PCDHA1: variants seen among roughly 807,000 people sequenced by gnomAD.
PCDHA1 encodes protocadherin alpha 1, also known as protocadherin alpha-1.
Under a neutral mutation model 61.3 loss-of-function variants are expected in PCDHA1, and 42 were observed. The observed-to-expected ratio is 0.69, with a 90% CI of 0.54 to 0.89. The LOEUF is 0.89. PCDHA1 is among the 40% of genes least tolerant of loss of function. PCDHA1 has a pLI of 0.00. For synonymous variants in PCDHA1, 610 were observed against 553.8 expected, an observed-to-expected ratio of 1.10 and a Z score of -1.43; for missense variants, 1,256 against 1,235.3, an observed-to-expected ratio of 1.02 and a Z score of -0.25.
At chr5:140,899,545 G>A (rs2067400002) in intron 1 of PCDHA1, among the ~76,000 whole-genome samples, 1 of 152,158 alleles carries the variant, frequency 6.6e-6, no homozygotes, top group African/African-American at 2.4e-5. Context: ...TGATCATGGT[G>A]GATAAGCTTT....
At chr5:140,808,715 G>T in intron 1 of PCDHA1, 1 of 1,612,234 alleles carries the variant, frequency 6.2e-7, no homozygotes, top group Non-Finnish European at 8.5e-7. Context: ...CTACGTTTCG[G>T]TGCATGCGGA....
chr5:140,849,736 ACCGCGAGAGTGTGT>A, intron 1 of PCDHA1: 1 of 1,598,292 alleles, frequency 6.3e-7, no homozygotes, highest in Non-Finnish European at 8.6e-7. Context: ...AGAGCTCTGG[ACCGCGAGAGTGTGT>A]CCGCCTACGA....
intron 1 of PCDHA1, chr5:140,966,895 G>T: frequency 6.3e-7 from 1 of 1,596,682 alleles, no homozygotes. Flanking sequence ...CGGCCTCCCA[G>T]CTGCGATACT....
chr5:140,871,635 A>G, intron 1 of PCDHA1: 1 of 1,364,150 alleles, frequency 7.3e-7, no homozygotes, highest in Non-Finnish European at 9.8e-7. Context: ...ATGTCTGTTC[A>G]TAAAATACCA....
At chr5:140,875,828 T>G (rs1259125673) in intron 1 of PCDHA1, 10 of 1,614,196 alleles carry the variant, frequency 6.2e-6, no homozygotes, top group Middle Eastern at 1.6e-4. Context: ...GTTTTCCATG[T>G]GGACGTGGAG....
intron 1 of PCDHA1, among the ~76,000 whole-genome samples, chr5:140,900,283 C>A (rs1325528461): frequency 6.6e-6 from 1 of 151,666 alleles, no homozygotes; most frequent in Non-Finnish European, 1.5e-5. Flanking sequence ...ACCACACTTT[C>A]TTTTCTGTTT....
intron 1 of PCDHA1, among the ~76,000 whole-genome samples, chr5:140,904,951 T>C (rs1468765932): frequency 6.6e-6 from 1 of 152,188 alleles, no homozygotes; most frequent in Non-Finnish European, 1.5e-5. Context: ...GTCCTTTGTC[T>C]GATGCAGAAT....
chr5:140,832,550 C>T (rs2150202230), intron 1 of PCDHA1, among the ~76,000 whole-genome samples: 4 of 152,164 alleles, frequency 2.6e-5, no homozygotes, highest in South Asian at 2.1e-4. Flanking sequence ...CTAATGATAT[C>T]TAACAGCCTC....
In PCDHA1 at chr5:140,851,279, A is replaced by G. The variant is rs1554145338; in HGVS notation, c.2394+62595A>G. On this transcript the variant is annotated intron_variant, in intron 1 of 3. Transcript: ENST00000504120. ...ATTTTAGTCTACTTGTATTGTTTAT[A>G]AGAAACCCAAGCAAAAATATATAGC... 2.9e-6 allele frequency: 3 copies of G among 1,045,342 alleles called. 1 individual carries two copies. In the African/African-American group the frequency reaches 5.0e-5, roughly 17 times the overall value. The allele number at this position is 1,045,342 out of a possible 1,614,324, so 64.8% of individuals were successfully genotyped here.
chr5:140,833,217 A>G (rs1276816516), intron 1 of PCDHA1, among the ~76,000 whole-genome samples: 2 of 152,208 alleles, frequency 1.3e-5, no homozygotes, highest in Non-Finnish European at 1.5e-5. Context: ...AGGAATGGAC[A>G]GGTTACACAA....
Position 140,786,765 on chromosome 5 carries a change from G to A in PCDHA1, c.475G>A (p.Asp159Asn), listed in dbSNP as rs782356183. ...NSRFPIEGAA[D>N]ADIGANALLT... ...GCGTTTTCCGATAGAAGGAGCTGCT[G>A]ATGCAGACATTGGTGCTAACGCTCT... Residue 159 changes from aspartate (D) to asparagine (N), a missense_variant, in exon 1 of 4, where the codon GAT (aspartate) becomes AAT (asparagine). Coordinates refer to ENST00000504120, the MANE Select transcript of PCDHA1 (RefSeq NM_018900.4). The A allele has an allele frequency of 6.2e-7, 1 of 1,614,126 alleles. No homozygotes were observed. Among genetic ancestry groups the A allele is most frequent in the Non-Finnish European group, 8.5e-7 (1 of 1,180,054 alleles).
chr5:140,988,024 A>G (rs2153870091), intron 3 of PCDHA1, among the ~76,000 whole-genome samples: 1 of 152,316 alleles, frequency 6.6e-6, no homozygotes, highest in East Asian at 1.9e-4. Flanking sequence ...ATGATTCTTA[A>G]GTTTTTTAGA....
chr5:140,965,591 C>T (rs1440117062), intron 1 of PCDHA1, among the ~76,000 whole-genome samples: 1 of 151,692 alleles, frequency 6.6e-6, no homozygotes, highest in Non-Finnish European at 1.5e-5. Context: ...AATGGTTTTG[C>T]AGACTCTTGA....
chr5:140,939,054 G>C (rs1304220594), intron 1 of PCDHA1, among the ~76,000 whole-genome samples: 1 of 152,112 alleles, frequency 6.6e-6, no homozygotes, highest in East Asian at 1.9e-4. Flanking sequence ...GTCCATTTGG[G>C]CTGCTATATC....
chr5:140,850,863 T>C lies in PCDHA1; in HGVS notation c.2394+62179T>C, dbSNP rs2150500955. 38 of 1,592,804 alleles carry C rather than the reference T, an allele frequency of 2.4e-5. 2 individuals are homozygous for C. Among genetic ancestry groups the C allele is most frequent in the Non-Finnish European group, 3.2e-5 (37 of 1,163,928 alleles). On this transcript the variant is annotated intron_variant, in intron 1 of 3. Transcript: ENST00000504120. ...ATCTACAGAGCGAACGGGAGAACCC[T>C]CTGCTTCCTCAGATTCAACTGGGAA...
At chr5:140,826,048 C>T (rs1415056920) in intron 1 of PCDHA1, among the ~76,000 whole-genome samples, 1 of 152,112 alleles carries the variant, frequency 6.6e-6, no homozygotes, top group South Asian at 2.1e-4. Flanking sequence ...TGTTGCTTTG[C>T]CTGTTTCTTT....
intron 1 of PCDHA1, chr5:140,881,395 T>C: frequency 1.0e-6 from 1 of 978,940 alleles, no homozygotes; most frequent in Non-Finnish European, 1.2e-6. Context: ...TAAGTTAAAT[T>C]CTATTAAATC....
At chr5:140,882,702 C>T (rs2059269414) in intron 1 of PCDHA1, 1 of 1,614,098 alleles carries the variant, frequency 6.2e-7, no homozygotes, top group African/African-American at 1.3e-5. Flanking sequence ...ATTGCAGAAT[C>T]TAGACCTCCG....
intron 1 of PCDHA1, among the ~76,000 whole-genome samples, chr5:140,826,477 T>G (rs2150143939): frequency 6.6e-6 from 1 of 152,310 alleles, no homozygotes; most frequent in Non-Finnish European, 1.5e-5. Flanking sequence ...GGCATTTTAC[T>G]GTATATCAGA....
Sources: allele counts gnomAD v4.1 joint callset (sites outside exome capture counted in the v4.1 genomes callset), GRCh38; gene constraint gnomAD v4.1.1; transcripts MANE v1.5; gene names NCBI Gene and HGNC (gene_info 2026-07-23, HGNC 2026-07-21).